The following LCLAT1 variants were observed in gnomAD, a reference collection of about 807,000 sequenced individuals.
LCLAT1 encodes lysocardiolipin acyltransferase 1, also known as 1-AGP acyltransferase 8.
A neutral mutation model predicts 30.7 loss-of-function variants in LCLAT1; 11 were observed. The observed-to-expected ratio is 0.36, with a 90% confidence interval of 0.23 to 0.59. The LOEUF is 0.59. LCLAT1 is among the 20% of genes least tolerant of loss of function. The pLI, the probability that LCLAT1 is intolerant of heterozygous loss-of-function variation, is 0.77. For missense variants in LCLAT1, 402 were observed against 458.6 expected (o/e 0.88, Z 1.13); for synonymous variants, 155 against 151.3 (o/e 1.02, Z -0.18).
At chr2:30,471,427 C>A (rs759656251) in intron 1 of LCLAT1, among the ~76,000 whole-genome samples, 3 of 152,050 alleles carry the variant, frequency 2.0e-5, no homozygotes, top group Non-Finnish European at 2.9e-5. Flanking sequence ...CCAGGCTGGT[C>A]TTGAACTCCT....
intron 5 of LCLAT1, among the ~76,000 whole-genome samples, chr2:30,572,655 C>T (rs1441279312): frequency 6.6e-6 from 1 of 152,058 alleles, no homozygotes; most frequent in Non-Finnish European, 1.5e-5. Flanking sequence ...CATGTTCTTT[C>T]CACTGTATAA....
At chr2:30,633,983 A>G (rs1213371075) in intron 5 of LCLAT1, among the ~76,000 whole-genome samples, 1 of 152,210 alleles carries the variant, frequency 6.6e-6, no homozygotes, top group Non-Finnish European at 1.5e-5. Context: ...CTCTTATAAT[A>G]GTCGTGGGCT....
At chr2:30,595,009 C>CTT (rs1292510217) in intron 5 of LCLAT1, among the ~76,000 whole-genome samples, 1 of 152,052 alleles carries the variant, frequency 6.6e-6, no homozygotes, top group East Asian at 1.9e-4. Context: ...TTGGTTTTGT[C>CTT]TTTACCTCTT....
At chr2:30,527,146 G>T (rs1224067014) in intron 2 of LCLAT1, among the ~76,000 whole-genome samples, 1 of 152,144 alleles carries the variant, frequency 6.6e-6, no homozygotes, top group Non-Finnish European at 1.5e-5. Context: ...CAAACTGTAT[G>T]TTAAGTAATT....
intron 1 of LCLAT1, among the ~76,000 whole-genome samples, chr2:30,459,959 T>A (rs549724566): frequency 3.5e-4 from 54 of 152,322 alleles, no homozygotes; most frequent in African/African-American, 1.3e-3. Context: ...AAACCCAGCA[T>A]TTCTGTTTGG....
chr2:30,493,256 T>C (rs913899731), intron 1 of LCLAT1, among the ~76,000 whole-genome samples: 11 of 152,344 alleles, frequency 7.2e-5, no homozygotes, highest in Non-Finnish European at 1.0e-4. Context: ...CTCAAGGAAA[T>C]TTGTAAGGCA....
intron 3 of LCLAT1, among the ~76,000 whole-genome samples, chr2:30,548,225 C>T (rs1177108241): frequency 6.6e-6 from 1 of 152,050 alleles, no homozygotes; most frequent in Non-Finnish European, 1.5e-5. Flanking sequence ...GAATCGAACT[C>T]TGTAAAATAT....
rs530145015 is a variant in LCLAT1, at chr2:30,602,232, G to A, written c.628+34056G>A. 4.6e-5 allele frequency among the ~76,000 whole-genome samples: 7 copies of A among 152,304 alleles called. No individual in the cohort carries two copies. The South Asian group carries it at 1.0e-3, about 23-fold the overall frequency. On this transcript the variant is annotated intron_variant, in intron 5 of 5. Transcript: ENST00000379509. The stretch of plus-strand genomic sequence containing the variant: ...TGCTTGTAGCTGTGTTAACAGTGTA[G>A]CAGATAGATTGCTGAGCTTTTAAAA...
chr2:30,585,382 C>T (rs1205213196), intron 5 of LCLAT1, among the ~76,000 whole-genome samples: 1 of 152,192 alleles, frequency 6.6e-6, no homozygotes, highest in Non-Finnish European at 1.5e-5. Context: ...CTGCCTCAGC[C>T]TTCATTTCAC....
chr2:30,458,405 C>T (rs775500200), intron 1 of LCLAT1, among the ~76,000 whole-genome samples: 1 of 152,044 alleles, frequency 6.6e-6, no homozygotes, highest in Non-Finnish European at 1.5e-5. Context: ...TGCCAAGGAC[C>T]TTGGTAGATT....
At chr2:30,586,365 C>T (rs1340905902) in intron 5 of LCLAT1, among the ~76,000 whole-genome samples, 2 of 152,056 alleles carry the variant, frequency 1.3e-5, no homozygotes, top group African/African-American at 4.8e-5. Context: ...AGAGTCCTTC[C>T]TTGCCTCTTC....
intron 5 of LCLAT1, among the ~76,000 whole-genome samples, chr2:30,614,573 G>T (rs537927795): frequency 3.3e-5 from 5 of 152,100 alleles, no homozygotes. Context: ...AAAGACTGTG[G>T]TAAGTACAGG....
At chr2:30,490,448 C>T (rs1683787344) in intron 1 of LCLAT1, among the ~76,000 whole-genome samples, 1 of 152,046 alleles carries the variant, frequency 6.6e-6, no homozygotes, top group South Asian at 2.1e-4. Context: ...GCCTCGGCCT[C>T]CCAAAGTGCT....
At chr2:30,514,783 A>G (rs531002363) in intron 1 of LCLAT1, among the ~76,000 whole-genome samples, 1 of 152,330 alleles carries the variant, frequency 6.6e-6, no homozygotes, top group South Asian at 2.1e-4. Context: ...AACAAGTCCC[A>G]TGCACTCTCT....
chr2:30,608,867 C>T (rs1667596922), intron 5 of LCLAT1, among the ~76,000 whole-genome samples: 1 of 152,154 alleles, frequency 6.6e-6, no homozygotes, highest in Non-Finnish European at 1.5e-5. Context: ...GTTTGGTAAC[C>T]TTAATTTGAC....
intron 1 of LCLAT1, among the ~76,000 whole-genome samples, chr2:30,499,269 C>T (rs1282180821): frequency 2.0e-5 from 3 of 152,192 alleles, no homozygotes; most frequent in African/African-American, 7.2e-5. Context: ...AAACCTCCAC[C>T]TCCTGGGTTT....
At chr2:30,488,918 G>A (rs829673) in intron 1 of LCLAT1, among the ~76,000 whole-genome samples, 113,695 of 152,180 alleles carry the variant, frequency 0.75, 43,145 homozygotes, top group East Asian at 0.87. Flanking sequence ...TTCAGATTCT[G>A]TTACAATGTT....
At chr2:30,601,953 A>T (rs13428342) in intron 5 of LCLAT1, among the ~76,000 whole-genome samples, 19,284 of 151,936 alleles carry the variant, frequency 0.13, 1,362 homozygotes, top group South Asian at 0.23. Flanking sequence ...AAGAAGTAGT[A>T]TAAAATTGAG....
At chr2:30,594,531 T>A (rs1315094518) in intron 5 of LCLAT1, among the ~76,000 whole-genome samples, 4 of 152,226 alleles carry the variant, frequency 2.6e-5, no homozygotes, top group Non-Finnish European at 4.4e-5. Context: ...CTGTTTCATT[T>A]AGCTCTGCGT....
Sources: allele counts gnomAD v4.1 joint callset (sites outside exome capture counted in the v4.1 genomes callset), GRCh38; gene constraint gnomAD v4.1.1; transcripts MANE v1.5; gene names NCBI Gene and HGNC (gene_info 2026-07-23, HGNC 2026-07-21).